ZSWIM6: variants seen among roughly 807,000 people sequenced by gnomAD.
ZSWIM6 encodes the protein zinc finger SWIM-type containing 6.
A neutral mutation model predicts 113.2 loss-of-function variants in ZSWIM6; 9 were observed. The observed-to-expected ratio is 0.08, with a 90% CI of 0.05 to 0.14. The LOEUF (loss-of-function observed/expected upper bound fraction) is 0.14, where lower values mean the gene tolerates loss of function less well. Ranked by LOEUF, ZSWIM6 falls within the 10% of genes least tolerant of loss-of-function variation. ZSWIM6 has a pLI of 1.00. For synonymous variants in ZSWIM6, 611 were observed against 606.5 expected (o/e 1.01, Z -0.11); for missense variants, 1,162 against 1,552.2 (o/e 0.75, Z 4.22).
At chr5:61,429,643 TAAG>T (rs1433882176) in intron 1 of ZSWIM6, among the ~76,000 whole-genome samples, 3 of 152,126 alleles carry the variant, frequency 2.0e-5, no homozygotes, top group Non-Finnish European at 4.4e-5. Context: ...AGGATGGTGA[TAAG>T]AAGAAAATAG....
intron 1 of ZSWIM6, among the ~76,000 whole-genome samples, chr5:61,352,779 C>A (rs115324390): frequency 6.0e-4 from 91 of 152,320 alleles, no homozygotes; most frequent in African/African-American, 2.1e-3. Flanking sequence ...TTCTGTTTGG[C>A]ATGTATTACA....
chr5:61,347,393 C>A, intron 1 of ZSWIM6: 1 of 168,226 alleles, frequency 5.9e-6, no homozygotes, highest in South Asian at 1.6e-4. Flanking sequence ...GAGAGCTGAC[C>A]ATGGAGCAGT....
chr5:61,404,897 T>G lies in ZSWIM6; in HGVS notation c.677-67784T>G, dbSNP rs111329182. Among the ~76,000 whole-genome samples the G allele has an allele frequency of 1.8e-4, 28 of 152,354 alleles. 2 individuals carry two copies. The highest frequency in any genetic ancestry group is 6.7e-4 in the African/African-American group (28 of 41,580). The stretch of plus-strand genomic sequence containing the variant: ...GAGAATCTGTGTATTTCTTGAGTTA[T>G]GCAGGTAATTTTGATGCCCAGTTAG... On this transcript the variant is annotated intron_variant, in intron 1 of 13. Transcript: ENST00000252744.
At chr5:61,503,773 C>A (rs919954533) in intron 4 of ZSWIM6, among the ~76,000 whole-genome samples, 6 of 152,090 alleles carry the variant, frequency 3.9e-5, no homozygotes, top group Non-Finnish European at 8.8e-5. Flanking sequence ...ATATGTAGAC[C>A]ACATAATTTG....
chr5:61,409,970 G>C (rs1194129946), intron 1 of ZSWIM6, among the ~76,000 whole-genome samples: 1 of 152,210 alleles, frequency 6.6e-6, no homozygotes, highest in Non-Finnish European at 1.5e-5. Flanking sequence ...TGTAAAAGTG[G>C]CACTGTTGTG....
rs572438740 is a variant in ZSWIM6 at position 61,342,898 on chromosome 5, T to TA, written c.676+9959dup. Among the ~76,000 whole-genome samples, 38 of 150,890 alleles carry TA rather than the reference T, an allele frequency of 2.5e-4. No individual in the cohort carries two copies. The Middle Eastern group carries it at 0.01, about 41-fold the overall frequency. On this transcript the variant is annotated intron_variant, in intron 1 of 13. Transcript: ENST00000252744. Reference sequence around the variant, plus strand: ...AATTTTACTTGAAAAACTACTACATTAAAAAAAAATGTCTTTTAGGAATGA... The same window carrying TA: ...AATTTTACTTGAAAAACTACTACATTAAAAAAAAAATGTCTTTTAGGAATGA...
At chr5:61,391,588 G>A in intron 1 of ZSWIM6, 1 of 910,600 alleles carries the variant, frequency 1.1e-6, no homozygotes, top group Non-Finnish European at 1.9e-6. Flanking sequence ...GCCTCGAGGG[G>A]TTTCCACGAA....
intron 4 of ZSWIM6, among the ~76,000 whole-genome samples, chr5:61,498,948 A>G (rs1357748752): frequency 2.0e-5 from 3 of 152,002 alleles, no homozygotes; most frequent in Non-Finnish European, 2.9e-5. Context: ...TGCCCCCACC[A>G]ACACCCCCAT....
intron 1 of ZSWIM6, among the ~76,000 whole-genome samples, chr5:61,467,705 C>T (rs997303573): frequency 6.6e-6 from 1 of 152,152 alleles, no homozygotes; most frequent in African/African-American, 2.4e-5. Flanking sequence ...ATGAAAGTAA[C>T]ACTCTTTTAC....
intron 1 of ZSWIM6, among the ~76,000 whole-genome samples, chr5:61,467,750 A>T (rs1747467714): frequency 6.6e-6 from 1 of 152,242 alleles, no homozygotes; most frequent in African/African-American, 2.4e-5. Flanking sequence ...AGAACTTAAT[A>T]GGAAAATGGG....
At chr5:61,526,440 T>C (rs1749286388) in intron 7 of ZSWIM6, 44 bp downstream of exon 7, 1 of 1,548,656 alleles carries the variant, frequency 6.5e-7, no homozygotes, top group Non-Finnish European at 8.7e-7. Flanking sequence ...GGATTCTTAG[T>C]GATGACATTA....
At chr5:61,522,937 C>T (rs1450741056) in intron 5 of ZSWIM6, among the ~76,000 whole-genome samples, 1 of 152,180 alleles carries the variant, frequency 6.6e-6, no homozygotes, top group Non-Finnish European at 1.5e-5. Context: ...CTTGATTAAG[C>T]ATGAATATTT....
chr5:61,536,023 G>A (rs1749563053), intron 10 of ZSWIM6, among the ~76,000 whole-genome samples: 1 of 152,252 alleles, frequency 6.6e-6, no homozygotes, highest in Non-Finnish European at 1.5e-5. Context: ...CACACCTGCT[G>A]TAATTCCGCA....
chr5:61,520,835 A>T (rs1223582835), intron 4 of ZSWIM6, among the ~76,000 whole-genome samples: 1 of 152,206 alleles, frequency 6.6e-6, no homozygotes, highest in Non-Finnish European at 1.5e-5. Context: ...ATATTGCAGT[A>T]TCCATGTATA....
intron 2 of ZSWIM6, among the ~76,000 whole-genome samples, chr5:61,489,464 C>A (rs1748122264): frequency 6.6e-6 from 1 of 151,920 alleles, no homozygotes; most frequent in Non-Finnish European, 1.5e-5. Flanking sequence ...CTTATAAAAT[C>A]AGTTTTAAAA....
chr5:61,362,069 A>G (rs1396263243), intron 1 of ZSWIM6, among the ~76,000 whole-genome samples: 1 of 152,214 alleles, frequency 6.6e-6, no homozygotes, highest in Non-Finnish European at 1.5e-5. Context: ...TTAGATATGT[A>G]TCAGCAAAGT....
rs1425052526 is a variant in ZSWIM6 at position 61,546,018 on chromosome 5, A to G, written c.*1701A>G. On this transcript the variant is annotated 3_prime_UTR_variant, in exon 14 of 14. Coordinates refer to ENST00000252744, the MANE Select transcript of ZSWIM6 (RefSeq NM_020928.2). ...AGGTAAAAAGAAAAAAAAAGGTTGT[A>G]ATTCATCACCCATGTAAACATGCTC... 1 of 152,216 alleles carries G rather than the reference A, an allele frequency of 6.6e-6. No individual in the cohort carries two copies. Among genetic ancestry groups the G allele is most frequent in the Admixed American group, 6.5e-5 (1 of 15,276 alleles). The allele number at this position is 152,216 out of a possible 1,614,324, so 9.4% of individuals were successfully genotyped here. A position where few individuals can be genotyped will look rare whatever the true frequency, so the allele number is the denominator to read the frequency against.
chr5:61,518,931 T>C (rs1337578835), intron 4 of ZSWIM6, among the ~76,000 whole-genome samples: 1 of 151,986 alleles, frequency 6.6e-6, no homozygotes, highest in Non-Finnish European at 1.5e-5. Context: ...GGTCTAACGT[T>C]TAAGTCTTTA....
At chr5:61,520,813 A>G (rs1245444598) in intron 4 of ZSWIM6, among the ~76,000 whole-genome samples, 1 of 152,162 alleles carries the variant, frequency 6.6e-6, no homozygotes, top group Non-Finnish European at 1.5e-5. Flanking sequence ...GTGCAGAACC[A>G]TTTGGAGTGA....
Sources: gnomAD v4.1 joint callset for allele counts (sites outside exome capture counted in the v4.1 genomes callset) on GRCh38, gnomAD v4.1.1 for gene constraint, MANE v1.5 for transcripts, NCBI Gene and HGNC (gene_info 2026-07-23, HGNC 2026-07-21) for gene names.